Variants in DNAH17 observed in about 807,000 individuals in gnomAD.
The protein encoded by DNAH17 is axonemal beta dynein heavy chain 17.
DNAH17 carries 376 observed loss-of-function variants against 485.6 expected under a neutral mutation model. The ratio of observed to expected loss-of-function variants is 0.77; its 90% CI spans 0.71 to 0.84. DNAH17 has a LOEUF of 0.84. Among genes scored for constraint, DNAH17 ranks in the 40% least tolerant of loss-of-function variants. The pLI, the probability that DNAH17 is intolerant of heterozygous loss-of-function variation, is 0.00. For missense variants in DNAH17, 6,370 were observed against 5,839.3 expected, an observed-to-expected ratio of 1.09 and a Z score of -2.96; for synonymous variants, 3,031 against 2,405.9, an observed-to-expected ratio of 1.26 and a Z score of -7.60.
intron 56 of DNAH17, among the ~76,000 whole-genome samples, 184 bp downstream of exon 56, chr17:78,466,471 A>T (rs547974512): frequency 6.6e-6 from 1 of 152,174 alleles, no homozygotes; most frequent in Non-Finnish European, 1.5e-5. Context: ...TAAAAAATAA[A>T]AAATAAAACC....
Position 78,539,745 on chromosome 17 carries a change from C to A in DNAH17, c.2668G>T (p.Val890Phe), listed in dbSNP as rs762229589. ...KSLSFLMDNM[V>F]IDESIAPLFE... ...TTATGTTGATAACTTACATCTATAA[C>A]CATGTTGTCCATTAGGAAACTCAGA... Residue 890 changes from valine (V) to phenylalanine (F), a missense_variant, in exon 18 of 81, where the codon GTT becomes TTT. Transcript: ENST00000389840. 2.6e-4 allele frequency: 422 copies of A among 1,609,554 alleles called. No homozygotes were observed. The highest frequency in any genetic ancestry group is 4.5e-4 in the Admixed American group (27 of 59,464).
chr17:78,490,974 C>A lies in DNAH17; in HGVS notation c.6670-127G>T, dbSNP rs540383644. ...GAGGGGCCCAGGCCAGCCCTGCCAC[C>A]CCTGGCCCACAGCCCTAGTCCCTTG... On this transcript the variant is annotated intron_variant, in intron 43 of 80. Transcript: ENST00000389840. 5.0e-6 allele frequency: 6 copies of A among 1,198,364 alleles called. No individual in the cohort carries two copies. In the East Asian group the frequency reaches 1.5e-4, roughly 31 times the overall value. 74.2% of individuals were successfully genotyped at this position (1,198,364 alleles called of 1,614,324 possible). A position where few individuals can be genotyped will look rare whatever the true frequency, so the allele number is the denominator to read the frequency against.
In DNAH17 at chr17:78,494,718, G is replaced by A. The variant is rs144975660; in HGVS notation, c.6145C>T (p.Arg2049Trp). ...GGGATGTTGAAGTCTCTCAGCGCCCGCATGAGCACCTGGTCCTCTGCCCGG... is the reference window on the plus strand; with the variant it reads ...GGGATGTTGAAGTCTCTCAGCGCCCACATGAGCACCTGGTCCTCTGCCCGG... The part of the protein sequence containing the change: ...PSRAEDQVLM[R>W]ALRDFNIPKI... The change falls in exon 40 of 81, where the codon CGG (arginine) becomes TGG (tryptophan). Residue 2049 changes from arginine (R) to tryptophan (W), a missense_variant. By Grantham distance (101) the Arg-to-Trp change is moderately radical. Transcript: ENST00000389840. The A allele has an allele frequency of 1.7e-5, 28 of 1,613,818 alleles. No homozygotes were observed. The East Asian group carries it at 2.2e-4, about 13-fold the overall frequency.
intron 20 of DNAH17, 66 bp from the exon 21 acceptor site, chr17:78,530,578 C>T: frequency 6.5e-7 from 1 of 1,544,440 alleles, no homozygotes. Flanking sequence ...CAGCACAGGG[C>T]CTCAGTCCAG....
chr17:78,433,834 A>G (rs2086762830), intron 75 of DNAH17, among the ~76,000 whole-genome samples, 195 bp downstream of exon 75: 1 of 151,412 alleles, frequency 6.6e-6, no homozygotes, highest in African/African-American at 2.4e-5. Flanking sequence ...GAGATCACAG[A>G]TGGTGCTGCC....
chr17:78,485,952 A>T lies in DNAH17; in HGVS notation c.7275+8T>A. 3 of 1,610,510 alleles carry T rather than the reference A, an allele frequency of 1.9e-6. No individual in the cohort carries two copies. Among genetic ancestry groups the T allele is most frequent in the African/African-American group, 1.3e-5 (1 of 74,948 alleles). Reference sequence around the variant, plus strand: ...ACCAGTCGGTGGCCCTGCTTTGGGGACAGTTACCTGCAGTGGGACATCGGG... The same window carrying T: ...ACCAGTCGGTGGCCCTGCTTTGGGGTCAGTTACCTGCAGTGGGACATCGGG... On this transcript the variant is annotated splice_region_variant and intron_variant, in intron 46 of 80. Coordinates refer to ENST00000389840, the MANE Select transcript of DNAH17 (RefSeq NM_173628.4).
chr17:78,428,488 C>CCTTCCTCTCGCTTGGGAGCAGTTT, intron 77 of DNAH17, 37 bp downstream of exon 77: 1 of 1,558,742 alleles, frequency 6.4e-7, no homozygotes, highest in Non-Finnish European at 8.7e-7. Flanking sequence ...AGATCCTCCC[C>CCTTCCTCTCGCTTGGGAGCAGTTT]CTTCCTCTCG....
At chr17:78,553,284 T>TGTG (rs1491458397) in intron 14 of DNAH17, among the ~76,000 whole-genome samples, 472 of 34,944 alleles carry the variant, frequency 0.014, 4 homozygotes, top group African/African-American at 0.033. Flanking sequence ...GGTTTTTGTG[T>TGTG]TTTTTTTTTT....
At chr17:78,455,858 T>C (rs771324810) in intron 62 of DNAH17, 22 bp from the exon 63 acceptor site, 1 of 1,558,450 alleles carries the variant, frequency 6.4e-7, no homozygotes, top group Admixed American at 1.9e-5. Context: ...TGAGAGAGAA[T>C]AAAACATATT....
At chr17:78,555,812 C>G (rs955923579) in intron 14 of DNAH17, among the ~76,000 whole-genome samples, 4 of 152,136 alleles carry the variant, frequency 2.6e-5, no homozygotes, top group Non-Finnish European at 5.9e-5. Context: ...CTCATCCAAC[C>G]GTTGAGGGCC....
chr17:78,424,013 T>C lies in DNAH17; in HGVS notation c.13282A>G (p.Lys4428Glu). 1 of 1,614,060 alleles carries C rather than the reference T, an allele frequency of 6.2e-7. No homozygotes were observed. Among genetic ancestry groups the C allele is most frequent in the Non-Finnish European group, 8.5e-7 (1 of 1,179,902 alleles). The change falls in exon 81 of 81, where the codon AAA becomes GAA. Residue 4428 changes from lysine to glutamate, a missense_variant. Lys to Glu is a moderately conservative substitution (Grantham distance 56). Coordinates refer to ENST00000389840, the MANE Select transcript of DNAH17 (RefSeq NM_173628.4). ...TKNIYECPVY[K>E]TRIRGPTYVW... ...TAGGTGGGGCCGCGGATGCGTGTTT[T>C]GTACACGGGACACTCATAGATGTTC... is the stretch of plus-strand genomic sequence containing the variant.
At chr17:78,488,955 ACTGCCTACTCC>A (rs1315630333) in intron 44 of DNAH17, among the ~76,000 whole-genome samples, 1 of 152,060 alleles carries the variant, frequency 6.6e-6, no homozygotes, top group Non-Finnish European at 1.5e-5. Flanking sequence ...GGGAACCAGC[ACTGCCTACTCC>A]TTGACTTCTG....
At chr17:78,459,683 A>G in intron 60 of DNAH17, 101 bp downstream of exon 60, 4 of 1,317,850 alleles carry the variant, frequency 3.0e-6, no homozygotes, top group Non-Finnish European at 4.3e-6. Flanking sequence ...TTTGAGCCAC[A>G]GGCCCCAAGA....
chr17:78,532,448 G>A, intron 20 of DNAH17, 34 bp downstream of exon 20: 2 of 1,579,186 alleles, frequency 1.3e-6, no homozygotes, highest in South Asian at 1.2e-5. Context: ...AGACTCTGGA[G>A]ACAAGGAGGC....
chr17:78,442,929 G>A (rs1274664274), intron 71 of DNAH17, among the ~76,000 whole-genome samples: 1 of 152,216 alleles, frequency 6.6e-6, no homozygotes, highest in Admixed American at 6.5e-5. Flanking sequence ...TTTGTTATTA[G>A]TCACGTCTGT....
intron 25 of DNAH17, among the ~76,000 whole-genome samples, chr17:78,515,809 G>C (rs2090764467): frequency 6.6e-6 from 1 of 152,258 alleles, no homozygotes; most frequent in Non-Finnish European, 1.5e-5. Flanking sequence ...CACTTTGCAT[G>C]AATGAGAAAT....
At chr17:78,431,651 C>A (rs589582) in intron 75 of DNAH17, among the ~76,000 whole-genome samples, 20,893 of 151,866 alleles carry the variant, frequency 0.14, 1,614 homozygotes, top group Middle Eastern at 0.2. Flanking sequence ...GGTCACTCAG[C>A]GTGTAGCATG....
At chr17:78,523,249 G>A (rs1025724678) in intron 25 of DNAH17, among the ~76,000 whole-genome samples, 2 of 151,906 alleles carry the variant, frequency 1.3e-5, no homozygotes, top group African/African-American at 4.8e-5. Flanking sequence ...TCCGCCTCCC[G>A]AGTAGCTGAG....
chr17:78,506,331 A>G (rs919480990), intron 30 of DNAH17, among the ~76,000 whole-genome samples: 1 of 151,726 alleles, frequency 6.6e-6, no homozygotes, highest in Non-Finnish European at 1.5e-5. Context: ...GAATAGCCCC[A>G]AGGAGGCACC....
Sources: gnomAD v4.1 joint callset for allele counts (sites outside exome capture counted in the v4.1 genomes callset) on GRCh38, gnomAD v4.1.1 for gene constraint, MANE v1.5 for transcripts, NCBI Gene and HGNC (gene_info 2026-07-23, HGNC 2026-07-21) for gene names.